Variants in CACNA1A observed in about 807,000 individuals in gnomAD.
The protein encoded by CACNA1A is voltage-dependent P/Q-type calcium channel subunit alpha-1A.
In CACNA1A, 57 loss-of-function variants were observed where a neutral mutation model predicts 262.4. The ratio of observed to expected loss-of-function variants is 0.22; its 90% CI spans 0.18 to 0.27. CACNA1A has a LOEUF of 0.27. CACNA1A is among the 10% of genes least tolerant of loss of function. The probability of loss-of-function intolerance (pLI) is 1.00; values close to 1 mark genes in which losing one functional copy is unlikely to be tolerated. For synonymous variants in CACNA1A, 1,431 were observed against 1,419.3 expected (o/e 1.01, Z -0.18); for missense variants, 2,526 against 3,562.8 (o/e 0.71, Z 7.41).
In CACNA1A at chr19:13,286,817, G is replaced by A; in HGVS notation, c.3239C>T (p.Ala1080Val). 3.7e-6 allele frequency: 6 copies of A among 1,613,576 alleles called. No individual in the cohort carries two copies. Among genetic ancestry groups the A allele is most frequent in the South Asian group, 1.1e-5 (1 of 91,060 alleles). ...NNKLATAESA[A>V]PHGSLGHAGL... ...GGCGTGGCCAAGGCTGCCGTGGGGAGCGGCCGACTCCGCGGTGGCCAGCTT... is the reference window on the plus strand; with the variant it reads ...GGCGTGGCCAAGGCTGCCGTGGGGAACGGCCGACTCCGCGGTGGCCAGCTT... Residue 1080 changes from alanine to valine, a missense_variant, in exon 20 of 47, where the codon GCT becomes GTT. This residue lies in a region of CACNA1A where 765 missense variants were observed against 748.6 expected (regional missense o/e 1.02). Transcript: ENST00000360228.
chr19:13,411,677 TTTCTCTCTCTTTCTCC>T (rs2060111059), intron 3 of CACNA1A, among the ~76,000 whole-genome samples: 1 of 149,494 alleles, frequency 6.7e-6, no homozygotes, highest in African/African-American at 2.6e-5. Context: ...CCTCTCTCTC[TTTCTCTCTCTTTCTCC>T]TTCTCTCTCT....
At chr19:13,314,549 T>G (rs990639797) in intron 11 of CACNA1A, among the ~76,000 whole-genome samples, 3 of 152,156 alleles carry the variant, frequency 2.0e-5, no homozygotes, top group African/African-American at 7.2e-5. Flanking sequence ...TTCCAGAGGA[T>G]ACAGTGTTCA....
At chr19:13,234,168 T>C (rs755037048) in intron 34 of CACNA1A, among the ~76,000 whole-genome samples, 1 of 149,968 alleles carries the variant, frequency 6.7e-6, no homozygotes, top group Non-Finnish European at 1.5e-5. Context: ...GCTAACATGG[T>C]GAAACCCCGA....
At position 13,286,820 on chromosome 19, in the gene CACNA1A, G is replaced by A; in HGVS notation, c.3236C>T (p.Ala1079Val). The change falls in exon 20 of 47, where the codon GCC (alanine) becomes GTC (valine). Residue 1079 changes from alanine (A) to valine (V), a missense_variant. Physicochemically the swap from Ala to Val is moderately conservative, Grantham distance 64. Around this residue, in one of 17 missense-constraint regions of CACNA1A, gnomAD observed 765 missense variants for 748.6 expected, o/e 1.02. Transcript: ENST00000360228. ...GTGGCCAAGGCTGCCGTGGGGAGCGGCCGACTCCGCGGTGGCCAGCTTGTT... is the reference window on the plus strand; with the variant it reads ...GTGGCCAAGGCTGCCGTGGGGAGCGACCGACTCCGCGGTGGCCAGCTTGTT... The part of the protein sequence containing the change: ...KNNKLATAES[A>V]APHGSLGHAG... The A allele has an allele frequency of 6.2e-7, 1 of 1,613,566 alleles. No homozygotes were observed. Among genetic ancestry groups the A allele is most frequent in the Non-Finnish European group, 8.5e-7 (1 of 1,179,758 alleles).
At chr19:13,249,278 T>C (rs1458699740) in intron 30 of CACNA1A, among the ~76,000 whole-genome samples, 1 of 151,942 alleles carries the variant, frequency 6.6e-6, no homozygotes, top group Non-Finnish European at 1.5e-5. Flanking sequence ...CTCAAGTGCT[T>C]CTAATAAGTA....
intron 30 of CACNA1A, among the ~76,000 whole-genome samples, chr19:13,249,969 G>A (rs987392823): frequency 6.6e-6 from 1 of 152,132 alleles, no homozygotes; most frequent in Non-Finnish European, 1.5e-5. Context: ...CAGATGTCCT[G>A]GTTCAAGTCC....
chr19:13,394,238 C>T (rs1462295599), intron 3 of CACNA1A, among the ~76,000 whole-genome samples: 2 of 152,092 alleles, frequency 1.3e-5, no homozygotes, highest in Non-Finnish European at 2.9e-5. Context: ...TTCGAGTTCA[C>T]ACAGCTAGCA....
At chr19:13,471,219 G>A (rs1389867282) in intron 1 of CACNA1A, among the ~76,000 whole-genome samples, 1 of 152,186 alleles carries the variant, frequency 6.6e-6, no homozygotes, top group African/African-American at 2.4e-5. Flanking sequence ...CATCTGCAAA[G>A]ATCCTACTTT....
chr19:13,295,791 G>C (rs570364123), intron 19 of CACNA1A, among the ~76,000 whole-genome samples: 6 of 152,218 alleles, frequency 3.9e-5, no homozygotes, highest in Admixed American at 1.3e-4. Context: ...CACTGCACCT[G>C]ATCCTGTGCT....
chr19:13,213,204 C>A (rs1366694424), intron 40 of CACNA1A, among the ~76,000 whole-genome samples: 1 of 152,196 alleles, frequency 6.6e-6, no homozygotes, highest in Non-Finnish European at 1.5e-5. Context: ...ACCACACTGG[C>A]CTCTTTGCTG....
chr19:13,486,695 T>G (rs1980043825), intron 1 of CACNA1A, among the ~76,000 whole-genome samples: 1 of 17,718 alleles, frequency 5.6e-5, no homozygotes, highest in East Asian at 1.7e-3. Flanking sequence ...TCTTTCTGTC[T>G]CTCTTTCTCT....
Position 13,496,040 on chromosome 19 carries a change from T to TCAAC in CACNA1A, c.293+9888_293+9891dup, listed in dbSNP as rs1264666320. Among the ~76,000 whole-genome samples, 4 of 123,388 alleles carry TCAAC rather than the reference T, an allele frequency of 3.2e-5. No homozygotes were observed. In the East Asian group the frequency reaches 1.0e-3, roughly 31 times the overall value. 80.9% of individuals were successfully genotyped at this position (123,388 alleles called of 152,430 possible). On this transcript the variant is annotated intron_variant, in intron 1 of 46. Transcript: ENST00000360228. ...TCCATCCACTCATCCATGCATCTGT[T>TCAAC]CAACCATCCATCCATCCATCCATCC...
rs201647627 is a variant in CACNA1A, at chr19:13,286,691, C to A, written c.3365G>T (p.Arg1122Leu). The A allele has an allele frequency of 3.8e-6, 6 of 1,573,386 alleles. No homozygotes were observed. The highest frequency in any genetic ancestry group is 3.5e-5 in the South Asian group (3 of 85,284). Reference protein sequence around the residue: ...MATNPQNAASRRTPNNPGNPS... With the variant: ...MATNPQNAASLRTPNNPGNPS... ...GTTCCCCGGGTTGTTGGGCGTCCGG[C>A]GGCTGGCGGCGTTCTGGGGGTTGGT... Residue 1122 changes from arginine to leucine, a missense_variant, in exon 20 of 47, where the codon CGC becomes CTC. Physicochemically the swap from Arg to Leu is moderately radical, Grantham distance 102. Transcript: ENST00000360228.
rs566878843 is a variant in CACNA1A at position 13,300,664 on chromosome 19, G to C, written c.2173-8C>G. The C allele has an allele frequency of 3.7e-6, 6 of 1,610,116 alleles. No individual in the cohort carries two copies. The highest frequency in any genetic ancestry group is 1.7e-5 in the Admixed American group (1 of 59,984). On this transcript the variant is annotated splice_polypyrimidine_tract_variant and splice_region_variant and intron_variant, in intron 17 of 46. Transcript: ENST00000360228. ...TTCTTCCTCTTGCTCGTCCTAAAAG[G>C]CACGTGGAATCTTTGTTCACAAAAC...
In CACNA1A at chr19:13,241,672, C is replaced by G; in HGVS notation, c.4950+3510G>C. On this transcript the variant is annotated intron_variant, in intron 31 of 46. Coordinates refer to ENST00000360228, the MANE Select transcript of CACNA1A (RefSeq NM_001127222.2). The surrounding 1 kb of genome is among the most constrained non-coding windows in gnomAD (Gnocchi z 4.0). Reference sequence around the variant, plus strand: ...GGGCGGGGAGTGGGGGTGGTGGTGGCGGTGGGTTGGGAGATAAGTCATTGG... The same window carrying G: ...GGGCGGGGAGTGGGGGTGGTGGTGGGGGTGGGTTGGGAGATAAGTCATTGG... 1.7e-5 allele frequency: 9 copies of G among 528,780 alleles called. No individual in the cohort carries two copies. The highest frequency in any genetic ancestry group is 4.0e-5 in the East Asian group (1 of 25,240). 32.8% of individuals were successfully genotyped at this position (528,780 alleles called of 1,614,324 possible).
intron 31 of CACNA1A, among the ~76,000 whole-genome samples, chr19:13,242,705 T>C (rs1252603194): frequency 6.6e-6 from 1 of 152,230 alleles, no homozygotes. Context: ...CCCCTCCTTC[T>C]CGTTCTGTCT....
rs746627410 is a variant in CACNA1A at position 13,307,859 on chromosome 19, A to AG, written c.1914-6dup. The AG allele has an allele frequency of 6.2e-7, 1 of 1,613,300 alleles. No individual in the cohort carries two copies. Among genetic ancestry groups the AG allele is most frequent in the East Asian group, 2.2e-5 (1 of 44,868 alleles). On this transcript the variant is annotated splice_region_variant and splice_polypyrimidine_tract_variant and intron_variant, in intron 14 of 46. Transcript: ENST00000360228. ...GTCCCTTCATCGAAATTAAACCTGC[A>AG]GGGAGGACACAGACATTTCACGTTG...
intron 33 of CACNA1A, 86 bp from the exon 34 acceptor site, chr19:13,235,122 G>A: frequency 6.5e-7 from 1 of 1,548,874 alleles, no homozygotes; most frequent in Admixed American, 1.7e-5. Flanking sequence ...GGCTGCTTCT[G>A]TGAACCAGGC....
intron 30 of CACNA1A, among the ~76,000 whole-genome samples, chr19:13,245,935 G>A (rs2056222484): frequency 6.6e-6 from 1 of 152,174 alleles, no homozygotes; most frequent in African/African-American, 2.4e-5. Context: ...GCCTTCCAAA[G>A]TGTTGGGATT....
Sources: gnomAD v4.1 joint callset for allele counts (sites outside exome capture counted in the v4.1 genomes callset) on GRCh38, gnomAD v4.1.1 for gene constraint, gnomAD v4.1.1 regional missense constraint, Gnocchi (gnomAD v3.1) non-coding constraint, MANE v1.5 for transcripts, NCBI Gene and HGNC (gene_info 2026-07-23, HGNC 2026-07-21) for gene names.